The following ZP3 variants were observed in gnomAD, a reference collection of about 807,000 sequenced individuals.
The protein encoded by ZP3 is zona pellucida sperm-binding protein 3.
A neutral mutation model predicts 35.6 loss-of-function variants in ZP3; 21 were observed. That is an observed-to-expected ratio of 0.59 (90% CI 0.42 to 0.85). The LOEUF is 0.85. ZP3 is among the 40% of genes least tolerant of loss of function. The pLI is 0.00. For synonymous variants in ZP3, 207 were observed against 214.5 expected (o/e 0.96, Z 0.31); for missense variants, 437 against 536.5 (o/e 0.81, Z 1.83).
At chr7:76,422,272 GCCCCGCCCAC>G, upstream of ZP3, among the ~76,000 whole-genome samples, 1 of 152,008 alleles carries the variant, frequency 6.6e-6, no homozygotes, top group Non-Finnish European at 1.5e-5. Context: ...ACAGGGTTCT[GCCCCGCCCAC>G]CTCCCCGGCC....
Position 76,431,919 on chromosome 7 carries a change from G to A in ZP3, c.432-1008G>A, listed in dbSNP as rs1160552467. On this transcript the variant is annotated intron_variant, in intron 2 of 7. Coordinates refer to ENST00000394857, the MANE Select transcript of ZP3 (RefSeq NM_001110354.2). Reference sequence around the variant, plus strand: ...GTCTCAAAAAAAAAAAAAAAAGATGGCCTTAGCTGATTCCCCTCTCAAGCA... The same window carrying A: ...GTCTCAAAAAAAAAAAAAAAAGATGACCTTAGCTGATTCCCCTCTCAAGCA... 6.0e-5 allele frequency among the ~76,000 whole-genome samples: 9 copies of A among 150,564 alleles called. No individual in the cohort carries two copies. The East Asian group carries it at 1.8e-3, about 30-fold the overall frequency.
intron 1 of ZP3, among the ~76,000 whole-genome samples, chr7:76,416,973 T>TATATATATATATATATATATATAA (rs568367143): frequency 2.1e-5 from 1 of 47,158 alleles, no homozygotes; most frequent in African/African-American, 9.1e-5. Context: ...TATATATATA[T>TATATATATATATATATATATATAA]AATTTGGCAT....
At position 76,440,493 on chromosome 7, in the gene ZP3, C is replaced by G; in HGVS notation, c.942C>G (p.Gly314=). Residue 314 remains glycine, a synonymous_variant, in exon 7 of 8, where the codon GGC becomes GGG. Coordinates refer to ENST00000394857, the MANE Select transcript of ZP3 (RefSeq NM_001110354.2). ...KPSNSWFPVE[G]SADICQCCNK... ...ATCTCAGCTGGTTCCCAGTGGAAGG[C>G]TCGGCTGACATCTGTCAATGCTGTA... 1.9e-6 allele frequency: 3 copies of G among 1,613,810 alleles called. No individual in the cohort carries two copies. The highest frequency in any genetic ancestry group is 2.5e-6 in the Non-Finnish European group (3 of 1,179,966).
chr7:76,408,238 G>A (rs1805106535), intron 1 of ZP3, among the ~76,000 whole-genome samples: 1 of 152,076 alleles, frequency 6.6e-6, no homozygotes, highest in South Asian at 2.1e-4. Context: ...AGTCTGGTTG[G>A]GGAGAAGATG....
At position 76,440,231 on chromosome 7, in the gene ZP3, T is replaced by A; in HGVS notation, c.832-19T>A. The A allele has an allele frequency of 6.2e-7, 1 of 1,603,030 alleles. No homozygotes were observed. Among genetic ancestry groups the A allele is most frequent in the Non-Finnish European group, 8.5e-7 (1 of 1,174,314 alleles). On this transcript the variant is annotated intron_variant, in intron 5 of 7. Coordinates refer to ENST00000394857, the MANE Select transcript of ZP3 (RefSeq NM_001110354.2). ...CACAGCCTGGAACTCGGCCTGGAAA[T>A]AGCTGTTATTCCTTGCAGATATACA...
At chr7:76,424,614 A>G (rs959764535), upstream of ZP3, among the ~76,000 whole-genome samples, 12 of 152,178 alleles carry the variant, frequency 7.9e-5, no homozygotes, top group Non-Finnish European at 1.5e-5. Context: ...TCCAGCCTGG[A>G]CAACAGAGTG....
intron 1 of ZP3, among the ~76,000 whole-genome samples, chr7:76,425,521 C>G (rs1805625227): frequency 6.6e-6 from 1 of 152,092 alleles, no homozygotes; most frequent in South Asian, 2.1e-4. Flanking sequence ...TTCAGGCTGG[C>G]CCAAGCCACG....
intron 1 of ZP3, among the ~76,000 whole-genome samples, chr7:76,418,737 T>C (rs1805438371): frequency 6.6e-6 from 1 of 151,428 alleles, no homozygotes; most frequent in Non-Finnish European, 1.5e-5. Context: ...GCGCCTATAG[T>C]CCCAGCTACT....
intron 5 of ZP3, among the ~76,000 whole-genome samples, chr7:76,437,470 C>A (rs1291658122): frequency 7.4e-6 from 1 of 134,880 alleles, no homozygotes; most frequent in Non-Finnish European, 1.6e-5. Flanking sequence ...ACACTCCCCT[C>A]TTTTTTTTTT....
At chr7:76,435,510 A>G (rs1177962367) in intron 5 of ZP3, among the ~76,000 whole-genome samples, 1 of 152,242 alleles carries the variant, frequency 6.6e-6, no homozygotes, top group Non-Finnish European at 1.5e-5. Context: ...TGAGCTTAGA[A>G]TAGGTGGTTA....
intron 5 of ZP3, among the ~76,000 whole-genome samples, chr7:76,437,485 T>G (rs1215516896): frequency 4.8e-5 from 7 of 147,240 alleles, no homozygotes; most frequent in South Asian, 2.2e-4. Flanking sequence ...TTTTTTTTTT[T>G]TTGTTTTTTT....
At chr7:76,411,424 G>A (rs1020309687) in intron 1 of ZP3, among the ~76,000 whole-genome samples, 3 of 151,994 alleles carry the variant, frequency 2.0e-5, no homozygotes, top group East Asian at 1.9e-4. Flanking sequence ...AAACATAGCC[G>A]GGCATGATGG....
rs564688696 is a variant in ZP3, at chr7:76,404,995, G to A, written c.-67+7198G>A. On this transcript the variant is annotated intron_variant, in intron 1 of 8. Transcript: ENST00000336517. The stretch of plus-strand genomic sequence containing the variant: ...TGAGGCAGGAGAATCTCTTGAACCC[G>A]GGAGGTAGAAGTTGCAGTGAGCTGA... Among the ~76,000 whole-genome samples, 10 of 151,484 alleles carry A rather than the reference G, an allele frequency of 6.6e-5. No homozygotes were observed. In the East Asian group the frequency reaches 7.9e-4, roughly 12 times the overall value.
intron 5 of ZP3, among the ~76,000 whole-genome samples, chr7:76,437,661 ATTTT>A (rs3972771): frequency 7.7e-6 from 1 of 129,712 alleles, no homozygotes; most frequent in African/African-American, 3.1e-5. Flanking sequence ...TAATTTCTGT[ATTTT>A]TTTTTTTTTT....
At chr7:76,432,905 A>C in intron 2 of ZP3, 22 bp from the exon 3 acceptor site, 1 of 1,610,230 alleles carries the variant, frequency 6.2e-7, no homozygotes. Flanking sequence ...GCAGGTGTGC[A>C]CAGCTGCTGT....
intron 1 of ZP3, chr7:76,404,238 TAA>T: frequency 6.8e-7 from 1 of 1,465,344 alleles, no homozygotes; most frequent in Non-Finnish European, 9.0e-7. Context: ...CCTCCTACTA[TAA>T]AGTTACAGCT....
chr7:76,437,171 C>CTTTTT lies in ZP3; in HGVS notation c.831+3035_831+3039dup, dbSNP rs869115807. ...CCTCAACAGAGCAAGACCCTGTGTACTTTTTTTTTTTTTTTTTTTTTTTGG... is the reference window on the plus strand; with the variant it reads ...CCTCAACAGAGCAAGACCCTGTGTACTTTTTTTTTTTTTTTTTTTTTTTTTTTTGG... On this transcript the variant is annotated intron_variant, in intron 5 of 7. Transcript: ENST00000394857. Among the ~76,000 whole-genome samples the CTTTTT allele has an allele frequency of 1.5e-3, 119 of 78,712 alleles. 1 individual carries two copies. Among genetic ancestry groups the CTTTTT allele is most frequent in the East Asian group, 5.5e-3 (15 of 2,726 alleles). The allele number at this position is 78,712 out of a possible 152,430, so 51.6% of individuals were successfully genotyped here.
At chr7:76,435,743 T>G (rs1805977341) in intron 5 of ZP3, among the ~76,000 whole-genome samples, 1 of 151,562 alleles carries the variant, frequency 6.6e-6, no homozygotes, top group African/African-American at 2.4e-5. Flanking sequence ...TTTTTTTTTT[T>G]TTTTTGAGAC....
chr7:76,404,868 G>A (rs186453208), intron 1 of ZP3, among the ~76,000 whole-genome samples: 5 of 151,800 alleles, frequency 3.3e-5, no homozygotes, highest in East Asian at 2.0e-4. Context: ...TCAGGAGTTC[G>A]AGACTAGCCT....
Sources: gnomAD v4.1 joint callset for allele counts (sites outside exome capture counted in the v4.1 genomes callset) on GRCh38, gnomAD v4.1.1 for gene constraint, MANE v1.5 for transcripts, NCBI Gene and HGNC (gene_info 2026-07-23, HGNC 2026-07-21) for gene names.